The following SORBS3 variants were observed in gnomAD, a reference collection of about 807,000 sequenced individuals.
SORBS3 encodes vinexin.
Under a neutral mutation model 98.0 loss-of-function variants are expected in SORBS3, and 69 were observed. The ratio of observed to expected loss-of-function variants is 0.70; its 90% CI spans 0.58 to 0.86. The LOEUF (loss-of-function observed/expected upper bound fraction) is 0.86, where lower values mean the gene tolerates loss of function less well. SORBS3 is among the 40% of genes least tolerant of loss of function. SORBS3 has a pLI of 0.00. For missense variants in SORBS3, 954 were observed against 908.5 expected (o/e 1.05, Z -0.64); for synonymous variants, 394 against 355.4 (o/e 1.11, Z -1.22).
chr8:22,546,159 C>A (rs1245114345), intron 1 of SORBS3, among the ~76,000 whole-genome samples: 2 of 152,252 alleles, frequency 1.3e-5, no homozygotes, highest in African/African-American at 4.8e-5. Context: ...CATCTAATGT[C>A]TTTTTTGTGA....
At chr8:22,560,007 C>T (rs1840259890) in intron 5 of SORBS3, among the ~76,000 whole-genome samples, 1 of 147,026 alleles carries the variant, frequency 6.8e-6, no homozygotes, top group Non-Finnish European at 1.5e-5. Flanking sequence ...GCAGAGGTTG[C>T]AGTGAGCTGA....
At chr8:22,559,019 A>G (rs1840242089) in intron 5 of SORBS3, among the ~76,000 whole-genome samples, 1 of 152,226 alleles carries the variant, frequency 6.6e-6, no homozygotes, top group Non-Finnish European at 1.5e-5. Flanking sequence ...CTTGTGGGCC[A>G]TTATAAGGAC....
chr8:22,558,325 T>A, intron 5 of SORBS3, 133 bp downstream of exon 5: 1 of 830,904 alleles, frequency 1.2e-6, no homozygotes, highest in Non-Finnish European at 2.0e-6. Context: ...CTCTAATGAG[T>A]AGTCCTGAAA....
Position 22,554,079 on chromosome 8 carries a change from G to A in SORBS3, c.-55-373G>A, listed in dbSNP as rs767990978. Among the ~76,000 whole-genome samples the A allele has an allele frequency of 4.1e-4, 62 of 152,158 alleles. No homozygotes were observed. Among genetic ancestry groups the A allele is most frequent in the Non-Finnish European group, 3.8e-4 (26 of 68,014 alleles). The stretch of plus-strand genomic sequence containing the variant: ...TGTGTTCCCAGGCCCCCTCTCTGCC[G>A]GCTGCCCCACTTCCCCTGCGCCTTC... On this transcript the variant is annotated intron_variant, in intron 1 of 20. Coordinates refer to ENST00000240123, the MANE Select transcript of SORBS3 (RefSeq NM_005775.5). The surrounding 1 kb of genome is among the most constrained non-coding windows in gnomAD (Gnocchi z 6.5).
chr8:22,574,632 A>C, intron 20 of SORBS3, 35 bp from the exon 21 acceptor site: 3 of 1,606,736 alleles, frequency 1.9e-6, no homozygotes, highest in Non-Finnish European at 2.6e-6. Context: ...TAAAGAAGGG[A>C]GTGGGGAAAG....
chr8:22,566,223 C>T (rs192842747), intron 12 of SORBS3, 122 bp from the exon 13 acceptor site: 666 of 1,322,032 alleles, frequency 5.0e-4, no homozygotes, highest in Non-Finnish European at 5.7e-4. Flanking sequence ...GCCCAGGACC[C>T]GGGAGACGCC....
At chr8:22,553,356 T>A (rs1840122348) in intron 1 of SORBS3, among the ~76,000 whole-genome samples, 1 of 152,316 alleles carries the variant, frequency 6.6e-6, no homozygotes, top group East Asian at 1.9e-4. Context: ...GCAAACCTGA[T>A]TCCATCCAGT....
At chr8:22,569,009 C>T (rs991721354) in intron 16 of SORBS3, 139 bp from the exon 17 acceptor site, 28 of 871,242 alleles carry the variant, frequency 3.2e-5, no homozygotes, top group Non-Finnish European at 4.1e-5. Context: ...GTGGCTGCCC[C>T]CAGGGCTTGT....
Position 22,561,358 on chromosome 8 carries a change from G to A in SORBS3, c.502G>A (p.Glu168Lys). Residue 168 changes from glutamate (E) to lysine (K), a missense_variant, in exon 6 of 21, where the codon GAG becomes AAG. Glu to Lys is a moderately conservative substitution (Grantham distance 56). Coordinates refer to ENST00000240123, the MANE Select transcript of SORBS3 (RefSeq NM_005775.5). ...AGACTTGCAGCTGGACTGGACCTTC[G>A]AGGAGCCACCCAGAGGTGAGGGGAT... ...MPDLQLDWTF[E>K]EPPRDPRHLG... The A allele has an allele frequency of 1.2e-6, 2 of 1,609,020 alleles. No homozygotes were observed. Among genetic ancestry groups the A allele is most frequent in the Non-Finnish European group, 1.7e-6 (2 of 1,176,928 alleles).
Position 22,569,179 on chromosome 8 carries a change from T to C in SORBS3, c.1337T>C (p.Ile446Thr). The C allele has an allele frequency of 6.2e-7, 1 of 1,610,916 alleles. No individual in the cohort carries two copies. ...CCCGCAGATGAGATCCCTAAGCCCA[T>C]CAAGCCCCCGACCTACCAGGTGCTG... ...VLPADEIPKP[I>T]KPPTYQVLEY... Residue 446 changes from isoleucine (I) to threonine (T), a missense_variant, in exon 17 of 21, where the codon ATC (isoleucine) becomes ACC (threonine). Ile to Thr is a moderately conservative substitution (Grantham distance 89). Coordinates refer to ENST00000240123, the MANE Select transcript of SORBS3 (RefSeq NM_005775.5).
upstream of SORBS3, among the ~76,000 whole-genome samples, chr8:22,549,725 C>T (rs1278197822): frequency 6.6e-6 from 1 of 152,172 alleles, no homozygotes; most frequent in East Asian, 1.9e-4. Context: ...CTCCCGTAGA[C>T]CTACCCCGCC....
chr8:22,571,417 TC>T (rs1315290251), intron 18 of SORBS3, among the ~76,000 whole-genome samples, 196 bp downstream of exon 18: 2 of 152,038 alleles, frequency 1.3e-5, no homozygotes, highest in Non-Finnish European at 2.9e-5. Flanking sequence ...CCGAGGGAGC[TC>T]TAGATGGAAT....
chr8:22,556,945 C>G, intron 4 of SORBS3, 37 bp downstream of exon 4: 7 of 1,605,652 alleles, frequency 4.4e-6, no homozygotes, highest in South Asian at 1.1e-5. Flanking sequence ...GAGATGGGGC[C>G]CAGGGATCTA....
Position 22,554,534 on chromosome 8 carries a change from G to C in SORBS3, c.28G>C (p.Ala10Pro). 6.2e-7 allele frequency: 1 copy of C among 1,612,520 alleles called. No individual in the cohort carries two copies. The highest frequency in any genetic ancestry group is 8.5e-7 in the Non-Finnish European group (1 of 1,179,932). Residue 10 changes from alanine (A) to proline (P), a missense_variant, in exon 2 of 21, where the codon GCT becomes CCT. By Grantham distance (27) the Ala-to-Pro change is conservative (BLOSUM62 -1). Coordinates refer to ENST00000240123, the MANE Select transcript of SORBS3 (RefSeq NM_005775.5). The surrounding 1 kb of genome is among the most constrained non-coding windows in gnomAD (Gnocchi z 6.5). ...GCAGGGCCCACCCCGCAGCCTCCGCGCTGGGCTCAGCCTGGACGACTTCAT... is the reference window on the plus strand; with the variant it reads ...GCAGGGCCCACCCCGCAGCCTCCGCCCTGGGCTCAGCCTGGACGACTTCAT... MQGPPRSLR[A>P]GLSLDDFIPG...
At chr8:22,565,802 T>C (rs948099403) in intron 11 of SORBS3, 24 bp from the exon 12 acceptor site, 4 of 1,315,836 alleles carry the variant, frequency 3.0e-6, no homozygotes, top group Non-Finnish European at 2.9e-6. Context: ...TCGCGGGCCC[T>C]GATTGCGCCG....
At chr8:22,573,329 T>G in intron 20 of SORBS3, 1 of 455,290 alleles carries the variant, frequency 2.2e-6, no homozygotes, top group Non-Finnish European at 4.4e-6. Context: ...AATAAAGTTT[T>G]GCAAACCTAT....
chr8:22,562,181 A>G (rs1039699698), intron 7 of SORBS3, among the ~76,000 whole-genome samples: 1 of 152,184 alleles, frequency 6.6e-6, no homozygotes, highest in Non-Finnish European at 1.5e-5. Context: ...CTGGCCAGGA[A>G]CGCCTGTGAT....
At position 22,571,049 on chromosome 8, in the gene SORBS3, G is replaced by A. The variant is rs1840565591; in HGVS notation, c.1571G>A (p.Gly524Asp). The A allele has an allele frequency of 1.2e-6, 2 of 1,613,122 alleles. No homozygotes were observed. Among genetic ancestry groups the A allele is most frequent in the African/African-American group, 2.7e-5 (2 of 74,852 alleles). Residue 524 changes from glycine to aspartate, a missense_variant, in exon 18 of 21, where the codon GGC (glycine) becomes GAC (aspartate). Physicochemically the swap from Gly to Asp is moderately conservative, Grantham distance 94. Transcript: ENST00000240123. ...CCCCGGCTCCGGCTCTGTGACGACG[G>A]CCCCCAGCTCCCCACGTCTCCCCGC... ...REPRLRLCDD[G>D]PQLPTSPRLT...
rs143464149 is a variant in SORBS3, at chr8:22,571,045, G to A, written c.1567G>A (p.Asp523Asn). 15 of 1,613,234 alleles carry A rather than the reference G, an allele frequency of 9.3e-6. No individual in the cohort carries two copies. The highest frequency in any genetic ancestry group is 1.3e-5 in the African/African-American group (1 of 74,844). Residue 523 changes from aspartate to asparagine, a missense_variant, in exon 18 of 21, where the codon GAC becomes AAC. Asp to Asn is a conservative substitution (Grantham distance 23, BLOSUM62 1). Coordinates refer to ENST00000240123, the MANE Select transcript of SORBS3 (RefSeq NM_005775.5). ...TGAACCCCGGCTCCGGCTCTGTGACGACGGCCCCCAGCTCCCCACGTCTCC... is the reference window on the plus strand; with the variant it reads ...TGAACCCCGGCTCCGGCTCTGTGACAACGGCCCCCAGCTCCCCACGTCTCC... ...SREPRLRLCD[D>N]GPQLPTSPRL...
Sources: gnomAD v4.1 joint callset for allele counts (sites outside exome capture counted in the v4.1 genomes callset) on GRCh38, gnomAD v4.1.1 for gene constraint, Gnocchi (gnomAD v3.1) non-coding constraint, MANE v1.5 for transcripts, NCBI Gene and HGNC (gene_info 2026-07-23, HGNC 2026-07-21) for gene names.